The following AGPAT3 variants were observed in gnomAD, a reference collection of about 807,000 sequenced individuals.
AGPAT3 encodes 1-acylglycerol-3-phosphate O-acyltransferase 3.
In AGPAT3, 5 loss-of-function variants were observed where a neutral mutation model predicts 47.3. The observed-to-expected ratio is 0.11, with a 90% confidence interval of 0.06 to 0.22. The LOEUF is 0.22. Ranked by LOEUF, AGPAT3 falls within the 10% of genes least tolerant of loss-of-function variation. The pLI is 1.00. For missense variants in AGPAT3, 315 were observed against 493.0 expected, an observed-to-expected ratio of 0.64 and a Z score of 3.42; for synonymous variants, 212 against 208.3, an observed-to-expected ratio of 1.02 and a Z score of -0.15.
chr21:43,889,393 G>C (rs1362907524), intron 1 of AGPAT3, among the ~76,000 whole-genome samples: 1 of 151,452 alleles, frequency 6.6e-6, no homozygotes, highest in Non-Finnish European at 1.5e-5. Flanking sequence ...ATGATTGGAT[G>C]TTGCCAGTTA....
chr21:43,962,413 T>G (rs968820283), intron 3 of AGPAT3, among the ~76,000 whole-genome samples: 1 of 152,162 alleles, frequency 6.6e-6, no homozygotes, highest in African/African-American at 2.4e-5. Context: ...TATAACTGGA[T>G]AAGATGAATA....
At chr21:43,968,871 T>C (rs2089270472) in intron 4 of AGPAT3, among the ~76,000 whole-genome samples, 1 of 152,286 alleles carries the variant, frequency 6.6e-6, no homozygotes, top group South Asian at 2.1e-4. Flanking sequence ...TGGCAGCCTC[T>C]GCATCCGGCT....
At chr21:43,919,113 A>G (rs919394737) in intron 2 of AGPAT3, among the ~76,000 whole-genome samples, 1 of 152,114 alleles carries the variant, frequency 6.6e-6, no homozygotes, top group Non-Finnish European at 1.5e-5. Context: ...TCGTCCTTAA[A>G]TGTTAGGATG....
At chr21:43,947,626 A>G (rs1406604739) in intron 2 of AGPAT3, among the ~76,000 whole-genome samples, 2 of 151,990 alleles carry the variant, frequency 1.3e-5, no homozygotes, top group East Asian at 1.9e-4. Context: ...TCTTTCAGGA[A>G]CTGTAAACGG....
At chr21:43,945,593 A>G (rs2087850474) in intron 2 of AGPAT3, among the ~76,000 whole-genome samples, 1 of 151,398 alleles carries the variant, frequency 6.6e-6, no homozygotes, top group East Asian at 2.0e-4. Context: ...CCCCGCAGAG[A>G]GCCCCCTTTC....
chr21:43,943,142 T>G (rs2146387967), intron 2 of AGPAT3, among the ~76,000 whole-genome samples: 1 of 152,276 alleles, frequency 6.6e-6, no homozygotes, highest in South Asian at 2.1e-4. Flanking sequence ...TGGAGTGATC[T>G]CAGCTCACTG....
At chr21:43,942,834 G>C (rs1316047642) in intron 2 of AGPAT3, among the ~76,000 whole-genome samples, 1 of 152,204 alleles carries the variant, frequency 6.6e-6, no homozygotes, top group African/African-American at 2.4e-5. Context: ...CGGTGCCATT[G>C]CCTCATCTGG....
At chr21:43,904,776 G>T (rs1049579012) in intron 2 of AGPAT3, among the ~76,000 whole-genome samples, 8 of 152,134 alleles carry the variant, frequency 5.3e-5, no homozygotes, top group African/African-American at 1.9e-4. Flanking sequence ...GTCCCTTCTG[G>T]GTGGCCCTGG....
At chr21:43,978,426 C>T (rs963149633) in intron 8 of AGPAT3, among the ~76,000 whole-genome samples, 3 of 152,208 alleles carry the variant, frequency 2.0e-5, no homozygotes, top group African/African-American at 4.8e-5. Flanking sequence ...CCTCAGCCTC[C>T]CGGGTGGCTG....
rs139926646 is a variant in AGPAT3, at chr21:43,878,657, G to A, written c.-112+13312G>A. On this transcript the variant is annotated intron_variant, in intron 1 of 9. Transcript: ENST00000291572. The stretch of plus-strand genomic sequence containing the variant: ...CTGATTTACCCTCTGCAAAGATCAC[G>A]TCTGTTTCTACTCACACCAGTAGTA... Among the ~76,000 whole-genome samples, 8 of 152,152 alleles carry A rather than the reference G, an allele frequency of 5.3e-5. No homozygotes were observed. In the East Asian group the frequency reaches 1.5e-3, roughly 29 times the overall value.
In AGPAT3 at chr21:43,986,510, T is replaced by G; in HGVS notation, c.*4118T>G. Reference sequence around the variant, plus strand: ...TGAAATGCACTAAATTGTATTACATTAAACTGGAGTTACTTGATACAATGA... The same window carrying G: ...TGAAATGCACTAAATTGTATTACATGAAACTGGAGTTACTTGATACAATGA... On this transcript the variant is annotated 3_prime_UTR_variant, in exon 10 of 10. Coordinates refer to ENST00000291572, the MANE Select transcript of AGPAT3 (RefSeq NM_020132.5). 1 of 152,786 alleles carries G rather than the reference T, an allele frequency of 6.5e-6. No homozygotes were observed. The highest frequency in any genetic ancestry group is 2.1e-4 in the South Asian group (1 of 4,828). The allele number at this position is 152,786 out of a possible 1,614,324, so 9.5% of individuals were successfully genotyped here.
chr21:43,908,287 A>T lies in AGPAT3; in HGVS notation c.-49+4268A>T, dbSNP rs927260579. The stretch of plus-strand genomic sequence containing the variant: ...TGGGGCTGGTCACTCCCCAGCCCTG[A>T]GGACTCTGGGGAAGGAATGCCTGTC... On this transcript the variant is annotated intron_variant, in intron 2 of 9. Coordinates refer to ENST00000291572, the MANE Select transcript of AGPAT3 (RefSeq NM_020132.5). This position sits in a 1 kb window ranked among gnomAD's most constrained non-coding sequence, Gnocchi z 4.9. Among the ~76,000 whole-genome samples the T allele has an allele frequency of 6.6e-6, 1 of 152,134 alleles. No individual in the cohort carries two copies. The highest frequency in any genetic ancestry group is 1.5e-5 in the Non-Finnish European group (1 of 68,006).
chr21:43,952,970 C>T lies in AGPAT3; in HGVS notation c.-48-6664C>T, dbSNP rs920091893. Among the ~76,000 whole-genome samples, 20 of 152,188 alleles carry T rather than the reference C, an allele frequency of 1.3e-4. No homozygotes were observed. Among genetic ancestry groups the T allele is most frequent in the Admixed American group, 6.5e-5 (1 of 15,280 alleles). On this transcript the variant is annotated intron_variant, in intron 2 of 9. Coordinates refer to ENST00000291572, the MANE Select transcript of AGPAT3 (RefSeq NM_020132.5). The surrounding 1 kb of genome is among the most constrained non-coding windows in gnomAD (Gnocchi z 5.6). ...GCGGTCAGGGTGTCAGTGGTGCCAC[C>T]ATAACCAAGTGAGGCGAGGTTCCAC...
In AGPAT3 at chr21:43,908,468, T is replaced by C. The variant is rs954739462; in HGVS notation, c.-49+4449T>C. 6.6e-6 allele frequency among the ~76,000 whole-genome samples: 1 copy of C among 152,174 alleles called. No homozygotes were observed. The highest frequency in any genetic ancestry group is 2.4e-5 in the African/African-American group (1 of 41,436). On this transcript the variant is annotated intron_variant, in intron 2 of 9. Transcript: ENST00000291572. The surrounding 1 kb of genome is among the most constrained non-coding windows in gnomAD (Gnocchi z 4.9). The stretch of plus-strand genomic sequence containing the variant: ...CCGGTGTGTATGACTCGCTCCGTGA[T>C]TCATAACAAGGCATTTGCTTTCCTG...
At chr21:43,886,122 G>A (rs2085971680) in intron 1 of AGPAT3, among the ~76,000 whole-genome samples, 1 of 152,220 alleles carries the variant, frequency 6.6e-6, no homozygotes. Flanking sequence ...GCATGGGGGT[G>A]CCTGGCATGG....
intron 2 of AGPAT3, among the ~76,000 whole-genome samples, chr21:43,958,645 TGTG>T (rs947172394): frequency 1.1e-4 from 15 of 131,682 alleles, no homozygotes; most frequent in South Asian, 2.5e-4. Context: ...TGGTTTGTGG[TGTG>T]GTGTGGTATA....
At position 43,933,599 on chromosome 21, in the gene AGPAT3, T is replaced by G. The variant is rs2087332214; in HGVS notation, c.-48-26035T>G. Among the ~76,000 whole-genome samples the G allele has an allele frequency of 6.6e-6, 1 of 152,022 alleles. No homozygotes were observed. Among genetic ancestry groups the G allele is most frequent in the Non-Finnish European group, 1.5e-5 (1 of 68,008 alleles). Reference sequence around the variant, plus strand: ...GCTGGCGTCCATGTGTTTTTATTCTTTCTTTATGGTTGAGGAAACTGAGGC... The same window carrying G: ...GCTGGCGTCCATGTGTTTTTATTCTGTCTTTATGGTTGAGGAAACTGAGGC... On this transcript the variant is annotated intron_variant, in intron 2 of 9. Coordinates refer to ENST00000291572, the MANE Select transcript of AGPAT3 (RefSeq NM_020132.5). The surrounding 1 kb of genome is among the most constrained non-coding windows in gnomAD (Gnocchi z 6.0).
At chr21:43,937,658 T>C (rs1009991938) in intron 2 of AGPAT3, among the ~76,000 whole-genome samples, 5 of 152,166 alleles carry the variant, frequency 3.3e-5, no homozygotes, top group Admixed American at 2.6e-4. Context: ...TGAACTCCTG[T>C]GTTCAGGTGA....
chr21:43,874,076 C>T (rs373656029), intron 1 of AGPAT3, among the ~76,000 whole-genome samples: 4 of 152,220 alleles, frequency 2.6e-5, no homozygotes, highest in Admixed American at 6.5e-5. Context: ...CCCTCTGTCA[C>T]GCAGGCTGGC....
Sources: allele counts gnomAD v4.1 joint callset (sites outside exome capture counted in the v4.1 genomes callset), GRCh38; gene constraint gnomAD v4.1.1; non-coding constraint Gnocchi (gnomAD v3.1); transcripts MANE v1.5; gene names NCBI Gene and HGNC (gene_info 2026-07-23, HGNC 2026-07-21).